Variants in PPP1R9A observed in about 807,000 individuals in gnomAD.
The protein encoded by PPP1R9A is protein phosphatase 1 regulatory subunit 9A, also known as neurabin-1.
Under a neutral mutation model 141.9 loss-of-function variants are expected in PPP1R9A, and 59 were observed. The ratio of observed to expected loss-of-function variants is 0.42; its 90% CI spans 0.34 to 0.52. The LOEUF (loss-of-function observed/expected upper bound fraction) is 0.52, where lower values mean the gene tolerates loss of function less well. PPP1R9A is among the 20% of genes least tolerant of loss of function. The pLI is 0.10. For missense variants in PPP1R9A, 1,444 were observed against 1,611.9 expected (o/e 0.90, Z 1.78); for synonymous variants, 500 against 569.7 (o/e 0.88, Z 1.74).
At chr7:95,005,097 A>G (rs1435220452) in intron 2 of PPP1R9A, among the ~76,000 whole-genome samples, 1 of 152,174 alleles carries the variant, frequency 6.6e-6, no homozygotes, top group Non-Finnish European at 1.5e-5. Context: ...CTGCTAGACT[A>G]TGCACCACGT....
chr7:95,171,363 T>C (rs1410791782), intron 5 of PPP1R9A, among the ~76,000 whole-genome samples: 1 of 151,612 alleles, frequency 6.6e-6, no homozygotes, highest in African/African-American at 2.4e-5. Flanking sequence ...CACGCTAGCA[T>C]TAATCAAAAG....
chr7:95,187,300 C>T (rs973002226), intron 5 of PPP1R9A, among the ~76,000 whole-genome samples: 2 of 152,040 alleles, frequency 1.3e-5, no homozygotes, highest in African/African-American at 4.8e-5. Context: ...TAGATTCATG[C>T]ATAAAGGTGT....
intron 2 of PPP1R9A, among the ~76,000 whole-genome samples, chr7:95,065,277 G>C (rs1240071080): frequency 6.6e-6 from 1 of 152,094 alleles, no homozygotes; most frequent in Non-Finnish European, 1.5e-5. Flanking sequence ...GTGATGCCCA[G>C]GCTGGTCTTG....
At chr7:95,222,166 T>C (rs1184231462) in intron 7 of PPP1R9A, among the ~76,000 whole-genome samples, 3 of 151,994 alleles carry the variant, frequency 2.0e-5, no homozygotes, top group Admixed American at 2.0e-4. Context: ...TCAGTGATAA[T>C]GTTTAAAGCC....
chr7:95,203,105 T>G (rs1378762063), intron 6 of PPP1R9A, among the ~76,000 whole-genome samples: 1 of 152,088 alleles, frequency 6.6e-6, no homozygotes, highest in Non-Finnish European at 1.5e-5. Context: ...TAATCTTTCT[T>G]TCATAATTTG....
intron 7 of PPP1R9A, among the ~76,000 whole-genome samples, chr7:95,213,567 A>G (rs1030907679): frequency 6.6e-6 from 1 of 151,808 alleles, no homozygotes. Context: ...CAAGTGATCC[A>G]CCCACCTCAG....
intron 2 of PPP1R9A, among the ~76,000 whole-genome samples, chr7:94,933,464 C>T (rs544625182): frequency 1.3e-5 from 2 of 152,216 alleles, no homozygotes; most frequent in African/African-American, 4.8e-5. Flanking sequence ...GCATTCTCCT[C>T]CCTCTCTCAA....
chr7:95,150,332 T>C (rs879074265), intron 4 of PPP1R9A, among the ~76,000 whole-genome samples: 1 of 152,212 alleles, frequency 6.6e-6, no homozygotes, highest in African/African-American at 2.4e-5. Context: ...AGACGGAGTC[T>C]TGCTCTGTCG....
chr7:94,908,658 C>T (rs1247777863), intron 1 of PPP1R9A: 1 of 152,280 alleles, frequency 6.6e-6, no homozygotes, highest in Non-Finnish European at 1.5e-5. Flanking sequence ...GGCCCCATCT[C>T]CCCCGCCCCC....
At chr7:95,284,480 C>A in intron 17 of PPP1R9A, 150 bp downstream of exon 17, 1 of 809,010 alleles carries the variant, frequency 1.2e-6, no homozygotes, top group Non-Finnish European at 1.9e-6. Context: ...TATTTAATCT[C>A]AGTTTGACAG....
intron 4 of PPP1R9A, among the ~76,000 whole-genome samples, chr7:95,147,674 G>A (rs1382615814): frequency 6.6e-6 from 1 of 152,092 alleles, no homozygotes; most frequent in Non-Finnish European, 1.5e-5. Context: ...TGTGCCATCA[G>A]TACCTAGTTT....
intron 4 of PPP1R9A, among the ~76,000 whole-genome samples, chr7:95,160,797 T>C (rs1291510441): frequency 6.6e-6 from 1 of 152,198 alleles, no homozygotes; most frequent in Non-Finnish European, 1.5e-5. Context: ...TGTTCCTGTG[T>C]TAGTTTGCTT....
At chr7:94,949,796 C>T (rs1796266591) in intron 2 of PPP1R9A, among the ~76,000 whole-genome samples, 1 of 151,948 alleles carries the variant, frequency 6.6e-6, no homozygotes, top group African/African-American at 2.4e-5. Context: ...ATAGTTTGCT[C>T]CTTTCCACTG....
intron 2 of PPP1R9A, among the ~76,000 whole-genome samples, chr7:94,949,628 T>A (rs778450768): frequency 1.1e-4 from 16 of 152,036 alleles, no homozygotes; most frequent in Non-Finnish European, 1.9e-4. Context: ...TTTATCTAAG[T>A]ATGCTGAGCC....
chr7:95,245,591 T>C (rs1785254529), intron 8 of PPP1R9A, among the ~76,000 whole-genome samples: 1 of 152,072 alleles, frequency 6.6e-6, no homozygotes, highest in African/African-American at 2.4e-5. Context: ...TTAGGATGAG[T>C]ATAGACCTCA....
intron 4 of PPP1R9A, among the ~76,000 whole-genome samples, chr7:95,126,207 C>G (rs1179387710): frequency 6.6e-6 from 1 of 152,166 alleles, no homozygotes; most frequent in African/African-American, 2.4e-5. Context: ...TCCAGCTGGT[C>G]TCCCTGTCAT....
chr7:95,148,400 A>G (rs778912940), intron 4 of PPP1R9A, among the ~76,000 whole-genome samples: 9 of 152,176 alleles, frequency 5.9e-5, no homozygotes, highest in Non-Finnish European at 1.3e-4. Flanking sequence ...CACTAAAAGG[A>G]CAATAAAAGA....
chr7:95,149,413 G>T (rs1475970666), intron 4 of PPP1R9A, among the ~76,000 whole-genome samples: 1 of 152,054 alleles, frequency 6.6e-6, no homozygotes, highest in African/African-American at 2.4e-5. Context: ...ACAATACACA[G>T]ATTTGGAAGG....
chr7:95,247,667 C>A, intron 9 of PPP1R9A, 141 bp downstream of exon 9: 4 of 640,710 alleles, frequency 6.2e-6, no homozygotes, highest in Non-Finnish European at 1.0e-5. Context: ...CTGTCAGGTA[C>A]GTAGACAAAC....
Sources: allele counts gnomAD v4.1 joint callset (sites outside exome capture counted in the v4.1 genomes callset), GRCh38; gene constraint gnomAD v4.1.1; transcripts MANE v1.5; gene names NCBI Gene and HGNC (gene_info 2026-07-23, HGNC 2026-07-21).